The following EPC1 variants were observed in gnomAD, a reference collection of about 807,000 sequenced individuals.
EPC1 encodes enhancer of polycomb 1.
In EPC1, 12 loss-of-function variants were observed where a neutral mutation model predicts 98.4. The observed-to-expected ratio is 0.12, with a 90% CI of 0.08 to 0.20. The LOEUF (loss-of-function observed/expected upper bound fraction) is 0.20. EPC1 is among the 10% of genes least tolerant of loss of function. EPC1 has a pLI of 1.00. For synonymous variants in EPC1, 357 were observed against 363.9 expected (o/e 0.98, Z 0.21); for missense variants, 729 against 990.5 (o/e 0.74, Z 3.54).
intron 1 of EPC1, among the ~76,000 whole-genome samples, chr10:32,313,202 T>C (rs146054696): frequency 1.4e-3 from 208 of 152,322 alleles, no homozygotes; most frequent in African/African-American, 4.8e-3. Context: ...TAATCATTGA[T>C]AGAAAACTTT....
chr10:32,369,070 T>A (rs1839679008), intron 1 of EPC1, among the ~76,000 whole-genome samples: 1 of 152,216 alleles, frequency 6.6e-6, no homozygotes, highest in Admixed American at 6.5e-5. Context: ...TGGTCAGCTA[T>A]TCTGGAAGCT....
At chr10:32,302,101 A>G (rs1317706706) in intron 2 of EPC1, among the ~76,000 whole-genome samples, 4 of 151,566 alleles carry the variant, frequency 2.6e-5, no homozygotes, top group East Asian at 2.0e-4. Flanking sequence ...GTGAAACCCC[A>G]TCTCTACTAA....
intron 1 of EPC1, among the ~76,000 whole-genome samples, chr10:32,354,378 C>T (rs563833006): frequency 3.6e-4 from 54 of 152,068 alleles, no homozygotes; most frequent in African/African-American, 1.2e-3. Context: ...GGTGTGGACC[C>T]GGGAGGCGGA....
intron 2 of EPC1, among the ~76,000 whole-genome samples, chr10:32,302,811 C>A (rs537146601): frequency 4.6e-5 from 7 of 152,074 alleles, no homozygotes; most frequent in Non-Finnish European, 7.4e-5. Flanking sequence ...TTACTACACA[C>A]CTATTAGAAT....
chr10:32,286,509 T>C, intron 9 of EPC1, 185 bp downstream of exon 9: 2 of 674,622 alleles, frequency 3.0e-6, no homozygotes, highest in Middle Eastern at 4.2e-4. Context: ...TAGAGTTATG[T>C]CAAAAACTAT....
chr10:32,267,895 T>C lies in EPC1; in HGVS notation c.*1168A>G, dbSNP rs1233720410. The C allele has an allele frequency of 1.3e-5, 2 of 152,172 alleles. No individual in the cohort carries two copies. The highest frequency in any genetic ancestry group is 2.4e-5 in the African/African-American group (1 of 41,436). 9.4% of individuals were successfully genotyped at this position (152,172 alleles called of 1,614,324 possible). On this transcript the variant is annotated 3_prime_UTR_variant, in exon 14 of 14. Transcript: ENST00000319778. ...GGTACTGACAAAGCACTAGTAGTAG[T>C]CTGTTAAGTACCATTCTCTTCACAG...
At chr10:32,288,811 C>G (rs573155630) in intron 6 of EPC1, among the ~76,000 whole-genome samples, 1 of 149,742 alleles carries the variant, frequency 6.7e-6, no homozygotes, top group Non-Finnish European at 1.5e-5. Context: ...AGTGGGAGGT[C>G]GGGTGGGGTG....
rs530868133 is a variant in EPC1, at chr10:32,365,553, A to G, written c.3+12938T>C. ...TTTAGGCCGGGGACGTGGTTCATGC[A>G]TGTAATCCTAGCACTTTGGGAGGCT... On this transcript the variant is annotated intron_variant, in intron 1 of 13. Coordinates refer to the EPC1 transcript ENST00000375110. 7.0e-4 allele frequency among the ~76,000 whole-genome samples: 107 copies of G among 152,180 alleles called. 4 individuals carry two copies. In the South Asian group the frequency reaches 0.022, roughly 31 times the overall value.
intron 1 of EPC1, among the ~76,000 whole-genome samples, chr10:32,340,540 A>G (rs1199677317): frequency 6.6e-6 from 1 of 152,226 alleles, no homozygotes; most frequent in Non-Finnish European, 1.5e-5. Context: ...AATTAAAAGC[A>G]ATTCTAGGGC....
At chr10:32,363,500 G>T (rs1398356397) in intron 1 of EPC1, among the ~76,000 whole-genome samples, 1 of 152,080 alleles carries the variant, frequency 6.6e-6, no homozygotes, top group Non-Finnish European at 1.5e-5. Flanking sequence ...GCTAAGCTGG[G>T]TTTATGCTAG....
intron 13 of EPC1, chr10:32,269,392 A>G (rs951962875): frequency 5.6e-5 from 18 of 322,534 alleles, no homozygotes; most frequent in African/African-American, 3.9e-4. Context: ...AGATGTTAAA[A>G]ACAAAGAATT....
chr10:32,282,919 C>T (rs1262970136), intron 10 of EPC1: 1 of 152,034 alleles, frequency 6.6e-6, no homozygotes, highest in Non-Finnish European at 1.5e-5. Flanking sequence ...TATACTAACA[C>T]TATAAGTAAG....
chr10:32,291,301 A>G lies in EPC1; in HGVS notation c.837T>C (p.Asn279=). 1.2e-6 allele frequency: 2 copies of G among 1,611,296 alleles called. No homozygotes were observed. The highest frequency in any genetic ancestry group is 1.7e-6 in the Non-Finnish European group (2 of 1,178,628). The change falls in exon 6 of 14, where the codon AAT becomes AAC. Residue 279 remains asparagine, a synonymous_variant. Transcript: ENST00000319778. ...MEKRYNLGDY[N]GEIMSEVMAQ... ...CCATAACCTCAGACATGATCTCTCC[A>G]TTGTAGTCGCCCAAATTATACCTAA...
chr10:32,327,531 A>G (rs181321343), intron 1 of EPC1, among the ~76,000 whole-genome samples: 89 of 152,334 alleles, frequency 5.8e-4, no homozygotes, highest in African/African-American at 2.0e-3. Context: ...GTCATTACAC[A>G]GTGTACACAT....
At chr10:32,344,005 ACAGT>A (rs1031240129) in intron 1 of EPC1, among the ~76,000 whole-genome samples, 2 of 152,282 alleles carry the variant, frequency 1.3e-5, no homozygotes, top group East Asian at 1.9e-4. Flanking sequence ...TTTTTCTAAG[ACAGT>A]CAGTTCAGGT....
intron 1 of EPC1, among the ~76,000 whole-genome samples, chr10:32,328,905 GAA>G (rs748904651): frequency 6.6e-6 from 1 of 152,196 alleles, no homozygotes; most frequent in Non-Finnish European, 1.5e-5. Context: ...CCAGGTCAAG[GAA>G]ACACATACAG....
chr10:32,349,217 A>G (rs1190553940), upstream of EPC1, among the ~76,000 whole-genome samples: 1 of 152,228 alleles, frequency 6.6e-6, no homozygotes. Context: ...CTAAGATTTT[A>G]AGAACAAAAT....
intron 1 of EPC1, among the ~76,000 whole-genome samples, chr10:32,374,675 T>C (rs1195481888): frequency 1.3e-5 from 2 of 152,138 alleles, no homozygotes; most frequent in African/African-American, 4.8e-5. Context: ...AATATTTTTT[T>C]TCTAAAAATA....
intron 1 of EPC1, chr10:32,378,471 G>C (rs779749424): frequency 1.3e-6 from 2 of 1,542,320 alleles, no homozygotes; most frequent in South Asian, 2.4e-5. Context: ...TGACATAAAT[G>C]GTGAAAATTA....
Sources: allele counts gnomAD v4.1 joint callset (sites outside exome capture counted in the v4.1 genomes callset), GRCh38; gene constraint gnomAD v4.1.1; transcripts MANE v1.5; gene names NCBI Gene and HGNC (gene_info 2026-07-23, HGNC 2026-07-21).